The following ATP11C variants were observed in gnomAD, a reference collection of about 807,000 sequenced individuals.
ATP11C encodes the protein ATPase phospholipid transporting 11C (ATP11C blood group).
A neutral mutation model predicts 97.4 loss-of-function variants in ATP11C; 36 were observed. The ratio of observed to expected loss-of-function variants is 0.37; its 90% CI spans 0.28 to 0.49. The LOEUF (loss-of-function observed/expected upper bound fraction) is 0.49, where lower values mean the gene tolerates loss of function less well. Ranked by LOEUF, ATP11C falls within the 20% of genes least tolerant of loss-of-function variation. The probability of loss-of-function intolerance (pLI) is 0.98; values close to 1 mark genes in which losing one functional copy is unlikely to be tolerated. For missense variants in ATP11C, 730 were observed against 824.6 expected (o/e 0.89, Z 1.40); for synonymous variants, 275 against 290.9 (o/e 0.95, Z 0.56).
intron 1 of ATP11C, among the ~76,000 whole-genome samples, chrX:139,832,626 C>G (rs762059869): frequency 8.9e-6 from 1 of 112,253 alleles, no homozygotes; most frequent in Admixed American, 9.4e-5. Flanking sequence ...AAACAATAAG[C>G]TTCGGAGGAA....
chrX:139,822,563 G>A (rs1326174634), intron 2 of ATP11C, among the ~76,000 whole-genome samples: 1 of 111,147 alleles, frequency 9.0e-6, no homozygotes, highest in Non-Finnish European at 1.9e-5. Context: ...ACAGGCATAC[G>A]CCAACACACC....
intron 22 of ATP11C, 89 bp downstream of exon 22, chrX:139,761,872 A>G: frequency 3.9e-5 from 7 of 180,375 alleles, no homozygotes; most frequent in Non-Finnish European, 6.2e-5. Flanking sequence ...AAGCAGCATT[A>G]AAAAAAAAAA....
At position 139,786,295 on chromosome X, in the gene ATP11C, T is replaced by C. The variant is rs373585995; in HGVS notation, c.1592+878A>G. On this transcript the variant is annotated intron_variant, in intron 15 of 29. Transcript: ENST00000682941. ...TAAAAAAAGTATTTACTACATAGCT[T>C]GTTTTGGTGGGAGTGAGGGGGTCAT... is the stretch of plus-strand genomic sequence containing the variant. 3.6e-5 allele frequency among the ~76,000 whole-genome samples: 4 copies of C among 111,919 alleles called. No individual in the cohort carries two copies. In the East Asian group the frequency reaches 8.5e-4, roughly 24 times the overall value.
intron 24 of ATP11C, among the ~76,000 whole-genome samples, chrX:139,747,045 G>A (rs1475033511): frequency 9.0e-6 from 1 of 111,161 alleles, no homozygotes; most frequent in African/African-American, 3.3e-5. Context: ...TACATGCAGC[G>A]ATCTGAAACT....
intron 1 of ATP11C, among the ~76,000 whole-genome samples, chrX:139,842,689 A>C (rs1026580121): frequency 2.7e-5 from 3 of 112,328 alleles, no homozygotes; most frequent in African/African-American, 9.7e-5. Flanking sequence ...AGTTTGTCTT[A>C]AATTTCCAAG....
At chrX:139,783,721 A>C (rs1222814764) in intron 16 of ATP11C, among the ~76,000 whole-genome samples, 1 of 111,160 alleles carries the variant, frequency 9.0e-6, no homozygotes, top group Non-Finnish European at 1.9e-5. Context: ...AAAAATTAAA[A>C]AATTAGCCAG....
intron 1 of ATP11C, among the ~76,000 whole-genome samples, chrX:139,901,128 G>C (rs1001779131): frequency 2.7e-5 from 3 of 111,828 alleles, no homozygotes; most frequent in African/African-American, 9.8e-5. Flanking sequence ...CATGGGCAGT[G>C]ACCAATGGCC....
chrX:139,822,785 G>A (rs966713936), intron 2 of ATP11C, among the ~76,000 whole-genome samples: 75 of 109,611 alleles, frequency 6.8e-4, no homozygotes, highest in African/African-American at 2.3e-3. Context: ...AACTTCACCC[G>A]CCTCAGCCTC....
chrX:139,792,530 T>C (rs749470409), intron 12 of ATP11C, among the ~76,000 whole-genome samples: 1 of 111,031 alleles, frequency 9.0e-6, no homozygotes, highest in Admixed American at 9.6e-5. Flanking sequence ...GGCAGTCTTA[T>C]GGGACTGAGC....
chrX:139,898,855 A>G (rs1444011143), intron 1 of ATP11C, among the ~76,000 whole-genome samples: 1 of 111,848 alleles, frequency 8.9e-6, no homozygotes, highest in Non-Finnish European at 1.9e-5. Context: ...GTTTCCATAG[A>G]GTACAGTATG....
intron 1 of ATP11C, among the ~76,000 whole-genome samples, chrX:139,886,247 A>G (rs988650631): frequency 9.0e-6 from 1 of 111,425 alleles, no homozygotes; most frequent in African/African-American, 3.3e-5. Context: ...AAAAAAATCA[A>G]CTGTATTTTT....
At chrX:139,736,141 G>A (rs774666493) in intron 28 of ATP11C, among the ~76,000 whole-genome samples, 1 of 110,171 alleles carries the variant, frequency 9.1e-6, no homozygotes, top group Non-Finnish European at 1.9e-5. Flanking sequence ...CCAGAACTCC[G>A]TACTTTCAAC....
At chrX:139,813,765 A>G (rs1239529816) in intron 5 of ATP11C, among the ~76,000 whole-genome samples, 2 of 111,697 alleles carry the variant, frequency 1.8e-5, no homozygotes, top group Non-Finnish European at 3.8e-5. Flanking sequence ...GGGAATAAGG[A>G]ATGAACAGGA....
chrX:139,772,075 G>A (rs1336977578), intron 19 of ATP11C, among the ~76,000 whole-genome samples: 2 of 111,978 alleles, frequency 1.8e-5, no homozygotes, highest in African/African-American at 6.5e-5. Flanking sequence ...TCATGGGCCA[G>A]GCCCAGCGTC....
chrX:139,877,535 G>A (rs7062274), intron 1 of ATP11C, among the ~76,000 whole-genome samples: 1 of 111,303 alleles, frequency 9.0e-6, no homozygotes, highest in South Asian at 3.9e-4. Context: ...CCTAGTATCA[G>A]TAGAGCTGGA....
In ATP11C at chrX:139,797,204, T is replaced by C; in HGVS notation, c.980A>G (p.Lys327Arg). Residue 327 changes from lysine to arginine, a missense_variant, in exon 11 of 30, where the codon AAG (lysine) becomes AGG (arginine). Physicochemically the swap from Lys to Arg is conservative, Grantham distance 26. Transcript: ENST00000682941. ...PYNDEPWYNQKTQKERETLKV... is the reference protein window; with the variant it reads ...PYNDEPWYNQRTQKERETLKV... The stretch of plus-strand genomic sequence containing the variant: ...CAAGGTCTCTCGCTCTTTCTGAGTC[T>C]TTTGGTTATACCAAGGTTCATCATT... 8.3e-7 allele frequency: 1 copy of C among 1,203,455 alleles called. No homozygotes were observed. The highest frequency in any genetic ancestry group is 1.8e-5 in the South Asian group (1 of 54,976).
chrX:139,726,584 T>G lies in ATP11C; in HGVS notation c.*2382A>C, dbSNP rs954443107. 1 of 112,719 alleles carries G rather than the reference T, an allele frequency of 8.9e-6. No individual in the cohort carries two copies. Among genetic ancestry groups the G allele is most frequent in the Non-Finnish European group, 1.9e-5 (1 of 53,265 alleles). 9.3% of individuals were successfully genotyped at this position (112,719 alleles called of 1,213,427 possible). On this transcript the variant is annotated 3_prime_UTR_variant, in exon 30 of 30. Coordinates refer to ENST00000682941, the MANE Select transcript of ATP11C (RefSeq NM_001353812.2). ...TTATATACTGCATGTTATTAAAAAA[T>G]TCCATCACTAAATTATTACGAATTT...
At chrX:139,876,025 T>C (rs982650880) in intron 1 of ATP11C, among the ~76,000 whole-genome samples, 1 of 111,706 alleles carries the variant, frequency 9.0e-6, no homozygotes, top group African/African-American at 3.3e-5. Flanking sequence ...AGAAAACACA[T>C]TACTTCATCT....
At chrX:139,923,969 CTATA>C (rs2085306939) in intron 1 of ATP11C, among the ~76,000 whole-genome samples, 1 of 110,207 alleles carries the variant, frequency 9.1e-6, no homozygotes, top group Non-Finnish European at 1.9e-5. Flanking sequence ...TTTTTTTTTC[CTATA>C]TAGTCTTCTT....
Sources: allele counts gnomAD v4.1 joint callset (sites outside exome capture counted in the v4.1 genomes callset), GRCh38; gene constraint gnomAD v4.1.1; transcripts MANE v1.5; gene names NCBI Gene and HGNC (gene_info 2026-07-23, HGNC 2026-07-21).